The following PIWIL2 variants were observed in gnomAD, a reference collection of about 807,000 sequenced individuals.
PIWIL2 encodes piwi-like protein 2.
A neutral mutation model predicts 116.5 loss-of-function variants in PIWIL2; 81 were observed. The ratio of observed to expected loss-of-function variants is 0.70; its 90% CI spans 0.58 to 0.84. The LOEUF is 0.84. Among genes scored for constraint, PIWIL2 ranks in the 40% least tolerant of loss-of-function variants. The pLI, the probability that PIWIL2 is intolerant of heterozygous loss-of-function variation, is 0.00. For missense variants in PIWIL2, 1,272 were observed against 1,212.3 expected, an observed-to-expected ratio of 1.05 and a Z score of -0.73; for synonymous variants, 489 against 429.5, an observed-to-expected ratio of 1.14 and a Z score of -1.71.
intron 16 of PIWIL2, among the ~76,000 whole-genome samples, chr8:22,311,912 A>G (rs921830172): frequency 6.6e-6 from 1 of 152,216 alleles, no homozygotes; most frequent in Non-Finnish European, 1.5e-5. Flanking sequence ...GGTGAGTTCA[A>G]TCCTAGAATT....
intron 20 of PIWIL2, among the ~76,000 whole-genome samples, chr8:22,331,880 T>G (rs1392811390): frequency 6.6e-6 from 1 of 152,074 alleles, no homozygotes; most frequent in Non-Finnish European, 1.5e-5. Context: ...TAAGATCTTA[T>G]GTGTAAAAAA....
Position 22,305,915 on chromosome 8 carries a change from C to T in PIWIL2, c.1456-12C>T, listed in dbSNP as rs1364708141. The stretch of plus-strand genomic sequence containing the variant: ...TACTGCCTTATTTTCCCTCTTCGTT[C>T]TCTCTTCAAAGCTGCTAAAAGGGGA... On this transcript the variant is annotated splice_polypyrimidine_tract_variant and intron_variant, in intron 12 of 22. Coordinates refer to ENST00000356766, the MANE Select transcript of PIWIL2 (RefSeq NM_018068.5). 6.2e-7 allele frequency: 1 copy of T among 1,605,142 alleles called. No individual in the cohort carries two copies. The highest frequency in any genetic ancestry group is 8.5e-7 in the Non-Finnish European group (1 of 1,171,992).
chr8:22,275,884 C>T (rs1056512090), intron 1 of PIWIL2: 8 of 152,302 alleles, frequency 5.3e-5, no homozygotes, highest in African/African-American at 1.9e-4. Flanking sequence ...TATCTGCTAC[C>T]TGATCCCAGG....
intron 20 of PIWIL2, among the ~76,000 whole-genome samples, chr8:22,319,435 C>A (rs1831544254): frequency 6.6e-6 from 1 of 152,162 alleles, no homozygotes. Flanking sequence ...TAATACCTAT[C>A]TGTGAAGACT....
At chr8:22,309,639 C>G (rs928115372) in intron 14 of PIWIL2, among the ~76,000 whole-genome samples, 4 of 152,170 alleles carry the variant, frequency 2.6e-5, no homozygotes, top group Non-Finnish European at 4.4e-5. Flanking sequence ...GTGCCCGGCC[C>G]CTTTAAAATA....
intron 20 of PIWIL2, among the ~76,000 whole-genome samples, chr8:22,340,743 T>C (rs934640845): frequency 6.6e-6 from 1 of 152,034 alleles, no homozygotes; most frequent in African/African-American, 2.4e-5. Context: ...TTCTGAGACA[T>C]AGAGTCTTTC....
intron 10 of PIWIL2, among the ~76,000 whole-genome samples, chr8:22,302,513 C>T (rs1348160015): frequency 6.6e-6 from 1 of 152,052 alleles, no homozygotes; most frequent in African/African-American, 2.4e-5. Flanking sequence ...ACTAACCTAT[C>T]CATATTGAGA....
chr8:22,335,543 CTTTT>C (rs59166171), intron 20 of PIWIL2, among the ~76,000 whole-genome samples: 162 of 92,210 alleles, frequency 1.8e-3, no homozygotes, highest in African/African-American at 6.0e-3. Context: ...ACAAAATAGA[CTTTT>C]TTTTTTTTTT....
chr8:22,281,256 T>C (rs1830492748), intron 3 of PIWIL2, 49 bp downstream of exon 3: 1 of 1,543,742 alleles, frequency 6.5e-7, no homozygotes, highest in African/African-American at 1.4e-5. Flanking sequence ...ATGATTGGTT[T>C]CTTCTAAAAT....
At chr8:22,287,682 C>T (rs770143234) in intron 7 of PIWIL2, 37 bp downstream of exon 7, 2 of 1,270,328 alleles carry the variant, frequency 1.6e-6, no homozygotes, top group South Asian at 1.2e-5. Flanking sequence ...GAGATGAACC[C>T]TAAGAGTGCT....
At position 22,316,383 on chromosome 8, in the gene PIWIL2, C is replaced by A. The variant is rs764832662; in HGVS notation, c.2297+50C>A. On this transcript the variant is annotated intron_variant, in intron 19 of 22. Transcript: ENST00000356766. ...TTGTTTGATTATTTCATTTTAGTGC[C>A]TAATCTTATTATAAATCCAGCAAAT... 3.9e-6 allele frequency: 4 copies of A among 1,033,974 alleles called. No individual in the cohort carries two copies. In the Admixed American group the frequency reaches 6.9e-5, roughly 18 times the overall value. 64.0% of individuals were successfully genotyped at this position (1,033,974 alleles called of 1,614,324 possible).
Position 22,304,075 on chromosome 8 carries a change from T to G in PIWIL2, c.1236T>G (p.Leu412=). 1 of 1,613,650 alleles carries G rather than the reference T, an allele frequency of 6.2e-7. No homozygotes were observed. ...ACTTCCAGGATGAGTGTACTAAGCT[T>G]CTGGTTGGCAATATTGTTATCACCC... ...KEHFQDECTK[L]LVGNIVITRY... Residue 412 remains leucine, a synonymous_variant, in exon 11 of 23, where the codon CTT becomes CTG. Coordinates refer to ENST00000356766, the MANE Select transcript of PIWIL2 (RefSeq NM_018068.5).
At chr8:22,296,592 A>G (rs1830913083) in intron 10 of PIWIL2, among the ~76,000 whole-genome samples, 1 of 152,206 alleles carries the variant, frequency 6.6e-6, no homozygotes. Flanking sequence ...TTACCCTGAG[A>G]ATTTTGAAGG....
intron 20 of PIWIL2, among the ~76,000 whole-genome samples, chr8:22,334,140 A>C (rs1025764454): frequency 4.6e-5 from 7 of 151,676 alleles, no homozygotes; most frequent in Admixed American, 1.3e-4. Context: ...CACCTGGGTA[A>C]TTTTTTGTAT....
chr8:22,329,391 G>A lies in PIWIL2; in HGVS notation c.2403+11116G>A, dbSNP rs117455683. ...ATGCTGGCATCCACTCAGCTGCTAG[G>A]GAGGCCTCAGGAAGCTTACAGTCAT... is the stretch of plus-strand genomic sequence containing the variant. On this transcript the variant is annotated intron_variant, in intron 20 of 22. Coordinates refer to ENST00000356766, the MANE Select transcript of PIWIL2 (RefSeq NM_018068.5). 6.8e-3 allele frequency among the ~76,000 whole-genome samples: 1,043 copies of A among 152,282 alleles called. 5 individuals are homozygous for A. Among genetic ancestry groups the A allele is most frequent in the Middle Eastern group, 0.017 (5 of 294 alleles).
chr8:22,315,168 A>G (rs370818472), intron 18 of PIWIL2, 23 bp downstream of exon 18: 4 of 1,276,586 alleles, frequency 3.1e-6, no homozygotes, highest in Admixed American at 1.7e-5. Context: ...GAGATGGTTC[A>G]GTTTGCCTCT....
chr8:22,316,954 A>T (rs1831474645), intron 19 of PIWIL2, among the ~76,000 whole-genome samples: 1 of 151,536 alleles, frequency 6.6e-6, no homozygotes, highest in South Asian at 2.1e-4. Context: ...ATACCCAGCT[A>T]ATTTTTGTAG....
chr8:22,342,468 G>C (rs749429196), intron 20 of PIWIL2, among the ~76,000 whole-genome samples: 2 of 152,130 alleles, frequency 1.3e-5, no homozygotes, highest in Non-Finnish European at 2.9e-5. Context: ...CCCAGAAATA[G>C]ACACACACAA....
intron 20 of PIWIL2, 44 bp from the exon 21 acceptor site, chr8:22,352,915 G>A (rs1378692710): frequency 6.3e-7 from 1 of 1,578,178 alleles, no homozygotes; most frequent in Non-Finnish European, 8.6e-7. Flanking sequence ...GTGGTCCGTA[G>A]CCTGAGGGCT....
Sources: allele counts gnomAD v4.1 joint callset (sites outside exome capture counted in the v4.1 genomes callset), GRCh38; gene constraint gnomAD v4.1.1; transcripts MANE v1.5; gene names NCBI Gene and HGNC (gene_info 2026-07-23, HGNC 2026-07-21).